THBS2: variants seen among roughly 807,000 people sequenced by gnomAD.
THBS2 encodes the protein thrombospondin-2.
In THBS2, 47 loss-of-function variants were observed where a neutral mutation model predicts 135.2. The observed-to-expected ratio is 0.35, with a 90% confidence interval of 0.28 to 0.44. THBS2 has a LOEUF of 0.44. THBS2 is among the 20% of genes least tolerant of loss of function. THBS2 has a pLI of 1.00. For missense variants in THBS2, 1,288 were observed against 1,603.1 expected, an observed-to-expected ratio of 0.80 and a Z score of 3.36; for synonymous variants, 639 against 633.8, an observed-to-expected ratio of 1.01 and a Z score of -0.12.
At chr6:169,222,127 A>G (rs1272698091) in intron 19 of THBS2, 70 bp downstream of exon 19, 1 of 1,506,514 alleles carries the variant, frequency 6.6e-7, no homozygotes, top group Non-Finnish European at 8.9e-7. Flanking sequence ...GGACTGGGCT[A>G]GTCCTGCTGA....
chr6:169,248,858 G>A lies in THBS2; in HGVS notation c.168C>T (p.Arg56=). The A allele has an allele frequency of 1.2e-6, 2 of 1,612,042 alleles. No homozygotes were observed. Among genetic ancestry groups the A allele is most frequent in the Admixed American group, 1.7e-5 (1 of 60,032 alleles). Residue 56 remains arginine, a synonymous_variant, in exon 3 of 22, where the codon CGC becomes CGT. Coordinates refer to ENST00000617924, the MANE Select transcript of THBS2 (RefSeq NM_003247.5). ...RGPDPGVPAY[R]FVRFDYIPPV... ...GTGGGATGTAGTCAAAGCGCACGAA[G>A]CGGTAAGCCGGCACGCCGGGGTCGG...
In THBS2 at chr6:169,226,185, C is replaced by G; in HGVS notation, c.2533G>C (p.Asp845His). Reference sequence around the variant, plus strand: ...CTGTCTGCGGCTGCCCTCACCTGGTCAGGGTTGTGCACCAGGGGGCAGTTG... The same window carrying G: ...CTGTCTGCGGCTGCCCTCACCTGGTGAGGGTTGTGCACCAGGGGGCAGTTG... Reference protein sequence around the residue: ...CDNCPLVHNPDQTDVDNDLVG... With the variant: ...CDNCPLVHNPHQTDVDNDLVG... The change falls in exon 16 of 22, where the codon GAC becomes CAC. Residue 845 changes from aspartate to histidine, a missense_variant. Physicochemically the swap from Asp to His is moderately conservative, Grantham distance 81. Coordinates refer to ENST00000617924, the MANE Select transcript of THBS2 (RefSeq NM_003247.5). The G allele has an allele frequency of 6.2e-7, 1 of 1,612,490 alleles. No homozygotes were observed. The highest frequency in any genetic ancestry group is 8.5e-7 in the Non-Finnish European group (1 of 1,179,216).
chr6:169,220,384 A>G, intron 20 of THBS2, 47 bp from the exon 21 acceptor site: 1 of 1,586,482 alleles, frequency 6.3e-7, no homozygotes, highest in Non-Finnish European at 8.6e-7. Flanking sequence ...AGACAACATG[A>G]ACTCTGTGAA....
chr6:169,231,920 G>T, intron 13 of THBS2, 60 bp downstream of exon 13: 1 of 1,577,590 alleles, frequency 6.3e-7, no homozygotes. Flanking sequence ...TAGCGTCCCC[G>T]GCGCCAGGAG....
chr6:169,232,116 C>A lies in THBS2; in HGVS notation c.2015G>T (p.Ser672Ile). The stretch of plus-strand genomic sequence containing the variant: ...GCACTCGCACTTGTACATGGGGTCG[C>A]TGAAGTGGCCCAGGTAGATGCACTC... Reference protein sequence around the residue: ...HAECIYLGHFSDPMYKCECQT... With the variant: ...HAECIYLGHFIDPMYKCECQT... Residue 672 changes from serine to isoleucine, a missense_variant, in exon 13 of 22, where the codon AGC becomes ATC. By Grantham distance (142) the Ser-to-Ile change is moderately radical. Coordinates refer to ENST00000617924, the MANE Select transcript of THBS2 (RefSeq NM_003247.5). 6.2e-7 allele frequency: 1 copy of A among 1,614,134 alleles called. No homozygotes were observed.
chr6:169,218,324 T>A (rs1779263493), intron 21 of THBS2, among the ~76,000 whole-genome samples: 1 of 135,996 alleles, frequency 7.4e-6, no homozygotes, highest in African/African-American at 2.8e-5. Flanking sequence ...GATGAGTGGG[T>A]TGGTAGATGA....
intron 17 of THBS2, among the ~76,000 whole-genome samples, chr6:169,224,600 G>C (rs1353782386): frequency 6.6e-6 from 1 of 152,196 alleles, no homozygotes; most frequent in East Asian, 1.9e-4. Context: ...CCAGAGCACA[G>C]CTGTGCCCTT....
chr6:169,235,308 C>T (rs1268587617), intron 9 of THBS2, among the ~76,000 whole-genome samples: 1 of 152,006 alleles, frequency 6.6e-6, no homozygotes, highest in African/African-American at 2.4e-5. Context: ...AGGCATGAGC[C>T]ACCGTGCCCG....
rs562922035 is a variant in THBS2 at position 169,250,629 on chromosome 6, G to A, written c.52+104C>T. ...TATAAAGGAGCTAGAAGGTCCTCAC[G>A]GGTAAGATTGTCCAACCACACACTT... is the stretch of plus-strand genomic sequence containing the variant. On this transcript the variant is annotated intron_variant, in intron 2 of 21. Coordinates refer to ENST00000617924, the MANE Select transcript of THBS2 (RefSeq NM_003247.5). 79 of 994,814 alleles carry A rather than the reference G, an allele frequency of 7.9e-5. 1 individual carries two copies. Among genetic ancestry groups the A allele is most frequent in the South Asian group, 7.9e-4 (44 of 55,832 alleles). 61.6% of individuals were successfully genotyped at this position (994,814 alleles called of 1,614,324 possible).
rs749853443 is a variant in THBS2 at position 169,229,599 on chromosome 6, ATCG to A, written c.2229_2231del (p.Asp745del). The A allele has an allele frequency of 6.2e-7, 1 of 1,614,072 alleles. No homozygotes were observed. Among genetic ancestry groups the A allele is most frequent in the Non-Finnish European group, 8.5e-7 (1 of 1,179,960 alleles). ...TCTCATCGGTCACACCGTCATTGTCATCGTCATCATCACAGGCATCGCCAATCC... is the reference window on the plus strand; with the variant it reads ...TCTCATCGGTCACACCGTCATTGTCATCATCATCACAGGCATCGCCAATCC... On this transcript the variant is annotated inframe_deletion, in exon 14 of 22. Coordinates refer to ENST00000617924, the MANE Select transcript of THBS2 (RefSeq NM_003247.5).
Position 169,222,109 on chromosome 6 carries a change from G to A in THBS2, c.3273+88C>T, listed in dbSNP as rs372583861. On this transcript the variant is annotated intron_variant, in intron 19 of 21. Coordinates refer to ENST00000617924, the MANE Select transcript of THBS2 (RefSeq NM_003247.5). ...GTTAAAATTAATAAAGACAAAAGTG[G>A]GGTCTCTGGACTGGGCTAGTCCTGC... is the stretch of plus-strand genomic sequence containing the variant. The A allele has an allele frequency of 3.5e-6, 5 of 1,425,824 alleles. No homozygotes were observed. In the African/African-American group the frequency reaches 5.7e-5, roughly 16 times the overall value. The allele number at this position is 1,425,824 out of a possible 1,614,324, so 88.3% of individuals were successfully genotyped here.
intron 6 of THBS2, among the ~76,000 whole-genome samples, chr6:169,240,122 A>G (rs1318159659): frequency 3.9e-5 from 6 of 152,210 alleles, no homozygotes; most frequent in Admixed American, 3.3e-4. Flanking sequence ...GTTTCTGCTG[A>G]GCCTCAGGCT....
intron 6 of THBS2, 112 bp downstream of exon 6, chr6:169,240,340 G>T: frequency 7.0e-7 from 1 of 1,423,828 alleles, no homozygotes. Flanking sequence ...TCCTCACATA[G>T]CTGAACCGGT....
chr6:169,232,238 C>T (rs777481150), intron 12 of THBS2, 40 bp from the exon 13 acceptor site: 4 of 1,606,110 alleles, frequency 2.5e-6, no homozygotes, highest in Admixed American at 3.3e-5. Context: ...ACAGGCAGGA[C>T]GATGGCTCCG....
Position 169,248,876 on chromosome 6 carries a change from G to A in THBS2, c.150C>T (p.Pro50=), listed in dbSNP as rs756386205. The stretch of plus-strand genomic sequence containing the variant: ...GCACGAAGCGGTAAGCCGGCACGCC[G>A]GGGTCGGGCCCGCGGAACTGCTTGG... The part of the protein sequence containing the change: ...IGAKQFRGPD[P]GVPAYRFVRF... Residue 50 remains proline, a synonymous_variant, in exon 3 of 22, where the codon CCC becomes CCT. Coordinates refer to ENST00000617924, the MANE Select transcript of THBS2 (RefSeq NM_003247.5). 15 of 1,612,686 alleles carry A rather than the reference G, an allele frequency of 9.3e-6. No individual in the cohort carries two copies. In the East Asian group the frequency reaches 2.0e-4, roughly 22 times the overall value.
chr6:169,234,633 T>G, intron 10 of THBS2, 101 bp downstream of exon 10: 1 of 1,220,806 alleles, frequency 8.2e-7, no homozygotes, highest in Non-Finnish European at 1.1e-6. Flanking sequence ...TAAAATTGAT[T>G]TTTCTTTTCT....
At chr6:169,233,144 G>A in intron 10 of THBS2, 127 bp from the exon 11 acceptor site, 1 of 1,320,066 alleles carries the variant, frequency 7.6e-7, no homozygotes, top group South Asian at 1.6e-5. Flanking sequence ...GGAACACTCT[G>A]GTGTGATTCT....
rs1027457301 is a variant in THBS2, at chr6:169,248,375, C to T, written c.609+42G>A. The T allele has an allele frequency of 1.2e-5, 19 of 1,559,224 alleles. No individual in the cohort carries two copies. In the African/African-American group the frequency reaches 2.2e-4, roughly 18 times the overall value. ...ATTAGCAGATCAGTTCCCAGCTAAG[C>T]TCTTTCCTCCCTCACGGCGGCCACC... is the stretch of plus-strand genomic sequence containing the variant. On this transcript the variant is annotated intron_variant, in intron 3 of 21. Coordinates refer to ENST00000617924, the MANE Select transcript of THBS2 (RefSeq NM_003247.5).
intron 14 of THBS2, among the ~76,000 whole-genome samples, chr6:169,228,912 A>AC: frequency 6.8e-6 from 1 of 147,984 alleles, no homozygotes; most frequent in Admixed American, 6.7e-5. Flanking sequence ...CGACCAAAAA[A>AC]AAAAAAAAAA....
Sources: gnomAD v4.1 joint callset for allele counts (sites outside exome capture counted in the v4.1 genomes callset) on GRCh38, gnomAD v4.1.1 for gene constraint, MANE v1.5 for transcripts, NCBI Gene and HGNC (gene_info 2026-07-23, HGNC 2026-07-21) for gene names.